Variants in STAU2 observed in about 807,000 individuals in gnomAD.
STAU2 encodes staufen double-stranded RNA binding protein 2.
A neutral mutation model predicts 65.9 loss-of-function variants in STAU2; 20 were observed. The observed-to-expected ratio is 0.30, with a 90% CI of 0.21 to 0.44. The LOEUF (loss-of-function observed/expected upper bound fraction) is 0.44. Ranked by LOEUF, STAU2 falls within the 20% of genes least tolerant of loss-of-function variation. The pLI, the probability that STAU2 is intolerant of heterozygous loss-of-function variation, is 1.00. For synonymous variants in STAU2, 232 were observed against 233.9 expected (o/e 0.99, Z 0.07); for missense variants, 558 against 683.9 (o/e 0.82, Z 2.05).
At chr8:73,581,777 C>A (rs1014498564) in intron 12 of STAU2, among the ~76,000 whole-genome samples, 15 of 151,798 alleles carry the variant, frequency 9.9e-5, no homozygotes, top group Admixed American at 9.2e-4. Context: ...TGAAATAATT[C>A]TTTTCAAGAG....
rs1043352089 is a variant in STAU2, at chr8:73,606,188, G to A, written c.892-2325C>T. Among the ~76,000 whole-genome samples, 10 of 151,280 alleles carry A rather than the reference G, an allele frequency of 6.6e-5. No homozygotes were observed. The East Asian group carries it at 1.7e-3, about 26-fold the overall frequency. Reference sequence around the variant, plus strand: ...TTCTTAGATATAACACCAAAATCACGTTCCATGTAAAAAAACTAATAATAA... The same window carrying A: ...TTCTTAGATATAACACCAAAATCACATTCCATGTAAAAAAACTAATAATAA... On this transcript the variant is annotated intron_variant, in intron 9 of 14. Transcript: ENST00000524300.
chr8:73,603,804 C>T lies in STAU2; in HGVS notation c.951G>A (p.Gln317=). The T allele has an allele frequency of 6.2e-7, 1 of 1,611,968 alleles. No homozygotes were observed. The stretch of plus-strand genomic sequence containing the variant: ...AATCCGGCTCCTTTTCCTTTTTGGC[C>T]TGTTGAATTTGCGCCAGGCGGCTAA... ...NPISRLAQIQ[Q]AKKEKEPDYV... Residue 317 remains glutamine, a synonymous_variant, in exon 10 of 15, where the codon CAG becomes CAA. Transcript: ENST00000524300.
intron 1 of STAU2, among the ~76,000 whole-genome samples, chr8:73,743,351 A>G (rs1224101395): frequency 2.0e-5 from 3 of 152,044 alleles, no homozygotes; most frequent in Non-Finnish European, 2.9e-5. Flanking sequence ...CCATTTTTCT[A>G]GAGGTTGGGT....
rs1195705366 is a variant in STAU2, at chr8:73,701,589, G to A, written c.114+7443C>T. On this transcript the variant is annotated intron_variant, in intron 4 of 14. Transcript: ENST00000524300. ...CAAAAGTCAGGCAATAATAAATGCT[G>A]GCAAGGTTGTGGAGAAAAGGGTACC... Among the ~76,000 whole-genome samples, 3 of 152,070 alleles carry A rather than the reference G, an allele frequency of 2.0e-5. 1 individual carries two copies. The highest frequency in any genetic ancestry group is 4.4e-5 in the Non-Finnish European group (3 of 67,988).
intron 8 of STAU2, among the ~76,000 whole-genome samples, chr8:73,614,629 A>T (rs1168572952): frequency 1.3e-5 from 2 of 152,166 alleles, no homozygotes; most frequent in African/African-American, 4.8e-5. Flanking sequence ...TAAATATTTA[A>T]CCTTTAATTG....
chr8:73,613,299 A>T (rs915425788), intron 9 of STAU2, among the ~76,000 whole-genome samples: 3 of 152,226 alleles, frequency 2.0e-5, no homozygotes, highest in Non-Finnish European at 4.4e-5. Flanking sequence ...GTTACTATGC[A>T]ACAGCCATGT....
At chr8:73,537,117 A>G (rs1266108281) in intron 13 of STAU2, among the ~76,000 whole-genome samples, 1 of 152,234 alleles carries the variant, frequency 6.6e-6, no homozygotes, top group Non-Finnish European at 1.5e-5. Flanking sequence ...AGGGCTTCAT[A>G]GCAAAATGGA....
At chr8:73,432,571 T>C (rs1165742202) in intron 13 of STAU2, among the ~76,000 whole-genome samples, 1 of 152,216 alleles carries the variant, frequency 6.6e-6, no homozygotes, top group African/African-American at 2.4e-5. Context: ...AAAAAGACAT[T>C]TGTATATTTC....
chr8:73,559,872 T>C (rs769434779), intron 12 of STAU2, among the ~76,000 whole-genome samples: 6 of 152,082 alleles, frequency 3.9e-5, no homozygotes, highest in Non-Finnish European at 7.3e-5. Flanking sequence ...GCCAAATATA[T>C]ACTACTTATG....
At chr8:73,596,498 C>G (rs1811197108) in intron 10 of STAU2, among the ~76,000 whole-genome samples, 1 of 152,122 alleles carries the variant, frequency 6.6e-6, no homozygotes, top group Non-Finnish European at 1.5e-5. Flanking sequence ...AGTTGAATTT[C>G]TTTTTACACA....
chr8:73,580,393 A>G (rs1809894194), intron 12 of STAU2, among the ~76,000 whole-genome samples: 1 of 152,222 alleles, frequency 6.6e-6, no homozygotes, highest in South Asian at 2.1e-4. Context: ...TGAGTTGTTC[A>G]AGGTCAGACA....
chr8:73,424,201 CTT>C (rs59063960), intron 13 of STAU2, among the ~76,000 whole-genome samples: 26 of 115,258 alleles, frequency 2.3e-4, no homozygotes, highest in Admixed American at 6.9e-4. Context: ...TCCTCTATGT[CTT>C]TTTTTTTTTT....
chr8:73,460,432 T>A (rs1390386352), intron 13 of STAU2, among the ~76,000 whole-genome samples: 2 of 152,132 alleles, frequency 1.3e-5, no homozygotes, highest in Non-Finnish European at 2.9e-5. Context: ...ACGAGAGAGG[T>A]TTTGAACAAG....
At position 73,539,865 on chromosome 8, in the gene STAU2, A is replaced by AT. The variant is rs1379948242; in HGVS notation, c.1530+12146dup. Among the ~76,000 whole-genome samples the AT allele has an allele frequency of 6.3e-4, 96 of 151,666 alleles. No homozygotes were observed. The South Asian group carries it at 0.019, about 30-fold the overall frequency. On this transcript the variant is annotated intron_variant, in intron 13 of 14. Transcript: ENST00000524300. ...TCCCCATCCAAAAAAAAAAAAAAAA[A>AT]TTGTACAATCTGAAACTAAGAGGAA...
intron 3 of STAU2, among the ~76,000 whole-genome samples, chr8:73,727,495 T>C (rs1364306765): frequency 6.6e-6 from 1 of 152,234 alleles, no homozygotes; most frequent in Non-Finnish European, 1.5e-5. Context: ...GTGTGTGTCT[T>C]CTTTCACTTA....
chr8:73,701,380 G>A (rs1429722566), intron 4 of STAU2, among the ~76,000 whole-genome samples: 1 of 152,046 alleles, frequency 6.6e-6, no homozygotes, highest in Non-Finnish European at 1.5e-5. Flanking sequence ...CTATCCATCT[G>A]ACAAGGTATT....
chr8:73,610,679 G>A (rs1230251235), intron 9 of STAU2, among the ~76,000 whole-genome samples: 1 of 152,060 alleles, frequency 6.6e-6, no homozygotes, highest in Non-Finnish European at 1.5e-5. Flanking sequence ...ATACCAATAA[G>A]GACAGTCTTG....
chr8:73,671,070 G>A (rs1016949520), intron 6 of STAU2, among the ~76,000 whole-genome samples: 1 of 151,614 alleles, frequency 6.6e-6, no homozygotes, highest in Non-Finnish European at 1.5e-5. Context: ...AATCAAAAAG[G>A]ATAACAAATA....
Position 73,595,156 on chromosome 8 carries a change from T to C in STAU2, c.1161+10A>G. On this transcript the variant is annotated intron_variant, in intron 11 of 14. Coordinates refer to ENST00000524300, the MANE Select transcript of STAU2 (RefSeq NM_001164380.2). ...CAGATAGGATACATACATGTAAACT[T>C]AACTCTTACCTTCTCAAGTTGATCC... The C allele has an allele frequency of 6.3e-7, 1 of 1,595,544 alleles. No homozygotes were observed.
Sources: allele counts gnomAD v4.1 joint callset (sites outside exome capture counted in the v4.1 genomes callset), GRCh38; gene constraint gnomAD v4.1.1; transcripts MANE v1.5; gene names NCBI Gene and HGNC (gene_info 2026-07-23, HGNC 2026-07-21).